Variants in LIN7A observed in about 807,000 individuals in gnomAD.
LIN7A encodes the protein protein lin-7 homolog A.
Under a neutral mutation model 29.8 loss-of-function variants are expected in LIN7A, and 25 were observed. That is an observed-to-expected ratio of 0.84 (90% CI 0.61 to 1.17). The LOEUF (loss-of-function observed/expected upper bound fraction) is 1.17, where lower values mean the gene tolerates loss of function less well. Among genes scored for constraint, LIN7A ranks in the 50% most tolerant of loss-of-function variants. LIN7A has a pLI of 0.00. For missense variants in LIN7A, 239 were observed against 287.0 expected, an observed-to-expected ratio of 0.83 and a Z score of 1.21; for synonymous variants, 118 against 107.5, an observed-to-expected ratio of 1.10 and a Z score of -0.60.
rs370465323 is a variant in LIN7A, at chr12:80,854,485, C to CAAAAAAAAAAAAAAAAAAAAAAAAAAAAA, written c.202-6164_202-6163insTTTTTTTTTTTTTTTTTTTTTTTTTTTTT. On this transcript the variant is annotated intron_variant, in intron 2 of 5. Coordinates refer to ENST00000552864, the MANE Select transcript of LIN7A (RefSeq NM_004664.4). ...TGAATCTGAAATGCATGTTGCTAAG[C>CAAAAAAAAAAAAAAAAAAAAAAAAAAAAA]CAAAAAAAAAAAAAAAAAAAAAAGC... Among the ~76,000 whole-genome samples, 2 of 37,112 alleles carry CAAAAAAAAAAAAAAAAAAAAAAAAAAAAA rather than the reference C, an allele frequency of 5.4e-5. 1 individual carries two copies. The allele number at this position is 37,112 out of a possible 152,430, so 24.3% of individuals were successfully genotyped here.
intron 4 of LIN7A, among the ~76,000 whole-genome samples, chr12:80,841,370 AGG>A (rs1362360797): frequency 1.3e-3 from 193 of 144,174 alleles, no homozygotes; most frequent in African/African-American, 5.1e-3. Context: ...GAAGGAAGGA[AGG>A]AAGGAAGGAA....
chr12:80,821,829 C>T (rs1028692098), intron 4 of LIN7A, among the ~76,000 whole-genome samples: 4 of 152,222 alleles, frequency 2.6e-5, no homozygotes, highest in African/African-American at 9.6e-5. Flanking sequence ...CCCCTCTCCC[C>T]TTGCAGGCTC....
intron 2 of LIN7A, among the ~76,000 whole-genome samples, chr12:80,880,255 G>T (rs1452948438): frequency 6.6e-6 from 1 of 152,076 alleles, no homozygotes; most frequent in Non-Finnish European, 1.5e-5. Flanking sequence ...TGAAAGACTA[G>T]CCTCATTTTT....
intron 1 of LIN7A, among the ~76,000 whole-genome samples, chr12:80,918,776 G>A (rs1877148911): frequency 6.6e-6 from 1 of 152,118 alleles, no homozygotes; most frequent in African/African-American, 2.4e-5. Context: ...TTTGAAATAT[G>A]AGCAAGAACA....
At chr12:80,912,949 A>T (rs1294179653) in intron 1 of LIN7A, among the ~76,000 whole-genome samples, 5 of 152,208 alleles carry the variant, frequency 3.3e-5, no homozygotes, top group African/African-American at 1.2e-4. Flanking sequence ...GTTTCTTATT[A>T]AAAATGTTCA....
intron 4 of LIN7A, among the ~76,000 whole-genome samples, chr12:80,819,264 G>T (rs990947073): frequency 2.0e-5 from 3 of 152,110 alleles, no homozygotes; most frequent in Admixed American, 6.5e-5. Context: ...ATTCAGAAAA[G>T]AATTTTATGA....
Position 80,878,224 on chromosome 12 carries a change from G to A in LIN7A, c.201+11027C>T, listed in dbSNP as rs566558042. On this transcript the variant is annotated intron_variant, in intron 2 of 5. Coordinates refer to ENST00000552864, the MANE Select transcript of LIN7A (RefSeq NM_004664.4). Reference sequence around the variant, plus strand: ...GCAATTATAGTTTAAGATGGTTCCTGTACTTGCTGCCAGAAAGTGACAAGT... The same window carrying A: ...GCAATTATAGTTTAAGATGGTTCCTATACTTGCTGCCAGAAAGTGACAAGT... Among the ~76,000 whole-genome samples the A allele has an allele frequency of 3.7e-4, 57 of 152,274 alleles. No individual in the cohort carries two copies. The South Asian group carries it at 6.6e-3, about 18-fold the overall frequency.
chr12:80,927,307 G>A (rs1301452029), intron 1 of LIN7A, among the ~76,000 whole-genome samples: 1 of 151,726 alleles, frequency 6.6e-6, no homozygotes, highest in East Asian at 2.0e-4. Flanking sequence ...GACTACAGGC[G>A]CCCGCCACCG....
chr12:80,932,032 T>C (rs570176117), intron 1 of LIN7A, among the ~76,000 whole-genome samples: 26 of 152,352 alleles, frequency 1.7e-4, no homozygotes, highest in African/African-American at 6.3e-4. Context: ...CAAACCCCTC[T>C]GGAGTGTAAG....
Position 80,937,672 on chromosome 12 carries a change from C to A in LIN7A, c.51G>T (p.Leu17Phe). 1.3e-6 allele frequency: 2 copies of A among 1,568,436 alleles called. No homozygotes were observed. Among genetic ancestry groups the A allele is most frequent in the Non-Finnish European group, 8.7e-7 (1 of 1,153,884 alleles). Residue 17 changes from leucine (L) to phenylalanine (F), a missense_variant, in exon 1 of 6, where the codon TTG becomes TTT. Coordinates refer to ENST00000552864, the MANE Select transcript of LIN7A (RefSeq NM_004664.4). ...TSAPTADMATLTVVQPLTLDR... is the reference protein window; with the variant it reads ...TSAPTADMATFTVVQPLTLDR... The stretch of plus-strand genomic sequence containing the variant: ...CCAGGGTGAGCGGCTGGACCACTGT[C>A]AATGTCGCCATGTCTGCCGTGGGAG...
At chr12:80,812,168 G>A (rs1565886331) in intron 4 of LIN7A, among the ~76,000 whole-genome samples, 2 of 152,076 alleles carry the variant, frequency 1.3e-5, no homozygotes, top group African/African-American at 2.4e-5. Context: ...CACATGGAAA[G>A]CTTTATTTAT....
chr12:80,847,527 T>C (rs2121549100), intron 3 of LIN7A, among the ~76,000 whole-genome samples: 1 of 152,346 alleles, frequency 6.6e-6, no homozygotes. Flanking sequence ...TTATACATTA[T>C]TAGAAAAATA....
At chr12:80,884,245 G>A (rs1875215022) in intron 2 of LIN7A, among the ~76,000 whole-genome samples, 1 of 152,116 alleles carries the variant, frequency 6.6e-6, no homozygotes, top group South Asian at 2.1e-4. Context: ...GCAATTAAAG[G>A]ATTGATACTG....
intron 2 of LIN7A, among the ~76,000 whole-genome samples, chr12:80,851,848 T>A (rs1414687232): frequency 6.6e-6 from 1 of 152,156 alleles, no homozygotes; most frequent in Non-Finnish European, 1.5e-5. Context: ...TTTATATATC[T>A]CAGCATTATT....
At chr12:80,869,845 T>G (rs1488975734) in intron 2 of LIN7A, among the ~76,000 whole-genome samples, 1 of 151,966 alleles carries the variant, frequency 6.6e-6, no homozygotes, top group Non-Finnish European at 1.5e-5. Context: ...ACTGGGTAAC[T>G]GAACATGACT....
At position 80,882,287 on chromosome 12, in the gene LIN7A, CTT is replaced by C. The variant is rs56000415; in HGVS notation, c.201+6962_201+6963del. 1.5e-3 allele frequency among the ~76,000 whole-genome samples: 131 copies of C among 87,692 alleles called. 9 individuals are homozygous for C. The highest frequency in any genetic ancestry group is 3.7e-3 in the African/African-American group (121 of 32,996). 57.5% of individuals were successfully genotyped at this position (87,692 alleles called of 152,430 possible). On this transcript the variant is annotated intron_variant, in intron 2 of 5. Transcript: ENST00000552864. ...ACAGTACTATCATTTTTCTTTCATT[CTT>C]TTTTTTTTTTTTTGAGACGGAGTCT...
At chr12:80,812,913 G>A (rs1169994917) in intron 4 of LIN7A, among the ~76,000 whole-genome samples, 1 of 151,708 alleles carries the variant, frequency 6.6e-6, no homozygotes, top group Non-Finnish European at 1.5e-5. Context: ...GACATGCATG[G>A]ACAAAAAATA....
In LIN7A at chr12:80,842,053, A is replaced by G. The variant is rs1310148996; in HGVS notation, c.483+3677T>C. The G allele has an allele frequency of 2.3e-6, 3 of 1,286,084 alleles. No individual in the cohort carries two copies. The African/African-American group carries it at 4.6e-5, about 20-fold the overall frequency. The allele number at this position is 1,286,084 out of a possible 1,614,324, so 79.7% of individuals were successfully genotyped here. ...CCATGGGAAATTTCTCTTGGTGCCT[A>G]GGGATAGAAAAAATTTTCTCTCCCA... On this transcript the variant is annotated intron_variant, in intron 4 of 5. Transcript: ENST00000552864.
intron 4 of LIN7A, chr12:80,841,796 T>C: frequency 2.9e-6 from 2 of 691,616 alleles, no homozygotes; most frequent in South Asian, 1.1e-4. Flanking sequence ...CCTTGAGTTC[T>C]CTCTTAAAAT....
Sources: allele counts gnomAD v4.1 joint callset (sites outside exome capture counted in the v4.1 genomes callset), GRCh38; gene constraint gnomAD v4.1.1; transcripts MANE v1.5; gene names NCBI Gene and HGNC (gene_info 2026-07-23, HGNC 2026-07-21).